Variants in SV2B observed in about 807,000 individuals in gnomAD.
SV2B encodes synaptic vesicle glycoprotein 2B.
SV2B carries 41 observed loss-of-function variants against 73.9 expected under a neutral mutation model. The ratio of observed to expected loss-of-function variants is 0.56; its 90% CI spans 0.43 to 0.72. The LOEUF (loss-of-function observed/expected upper bound fraction) is 0.72. SV2B is among the 30% of genes least tolerant of loss of function. The probability of loss-of-function intolerance (pLI) is 0.00; values close to 1 mark genes in which losing one functional copy is unlikely to be tolerated. For synonymous variants in SV2B, 314 were observed against 314.2 expected (o/e 1.00, Z 0.01); for missense variants, 764 against 857.8 (o/e 0.89, Z 1.37).
In SV2B at chr15:91,132,229, A is replaced by G. The variant is rs1329981613; in HGVS notation, c.-392+31866A>G. Among the ~76,000 whole-genome samples the G allele has an allele frequency of 6.6e-6, 1 of 152,214 alleles. No homozygotes were observed. Among genetic ancestry groups the G allele is most frequent in the Non-Finnish European group, 1.5e-5 (1 of 68,030 alleles). On this transcript the variant is annotated intron_variant, in intron 1 of 12. Coordinates refer to ENST00000394232, the MANE Select transcript of SV2B (RefSeq NM_001323032.3). The surrounding 1 kb of genome is among the most constrained non-coding windows in gnomAD (Gnocchi z 4.6). ...CGTCTCGGGTCCAAATACCCTCTAG[A>G]AGTTTCCCATTGGCTGCTTCATGCT...
At chr15:91,206,857 A>C (rs1217368195) in intron 1 of SV2B, among the ~76,000 whole-genome samples, 1 of 152,200 alleles carries the variant, frequency 6.6e-6, no homozygotes. Flanking sequence ...GAGAAGTTTG[A>C]AGGCTGATGT....
intron 1 of SV2B, among the ~76,000 whole-genome samples, chr15:91,196,835 C>T (rs375822067): frequency 6.6e-6 from 1 of 152,254 alleles, no homozygotes; most frequent in African/African-American, 2.4e-5. Context: ...GTAAAAGTGT[C>T]ACTGTGAGGT....
intron 1 of SV2B, among the ~76,000 whole-genome samples, chr15:91,126,477 C>CAGGT (rs2042485791): frequency 6.6e-6 from 1 of 152,170 alleles, no homozygotes; most frequent in Non-Finnish European, 1.5e-5. Context: ...GTTGATGAGC[C>CAGGT]AGGTCTTTGG....
chr15:91,286,673 A>T (rs919194339), intron 11 of SV2B, among the ~76,000 whole-genome samples: 2 of 152,176 alleles, frequency 1.3e-5, no homozygotes, highest in East Asian at 3.8e-4. Flanking sequence ...ATATTAACAC[A>T]TGGAACCCTC....
intron 1 of SV2B, among the ~76,000 whole-genome samples, chr15:91,174,997 G>C (rs1028930524): frequency 1.3e-5 from 2 of 152,206 alleles, no homozygotes; most frequent in Non-Finnish European, 2.9e-5. Flanking sequence ...ATGGGTGGAA[G>C]CCTTTCTATC....
At chr15:91,191,115 G>C (rs2045009581) in intron 1 of SV2B, among the ~76,000 whole-genome samples, 2 of 121,432 alleles carry the variant, frequency 1.6e-5, no homozygotes, top group Non-Finnish European at 3.4e-5. Flanking sequence ...GCCCAGGCTG[G>C]AGTGCAATGG....
At chr15:91,218,832 C>T (rs2046120047) in intron 1 of SV2B, among the ~76,000 whole-genome samples, 1 of 152,208 alleles carries the variant, frequency 6.6e-6, no homozygotes, top group African/African-American at 2.4e-5. Context: ...CAGATGTGCT[C>T]AGCTCTCTAT....
In SV2B at chr15:91,296,287, T is replaced by A. The variant is rs139238601; in HGVS notation, c.*3735T>A. 265 of 152,384 alleles carry A rather than the reference T, an allele frequency of 1.7e-3. 1 individual carries two copies. The highest frequency in any genetic ancestry group is 5.5e-3 in the African/African-American group (230 of 41,596). 9.4% of individuals were successfully genotyped at this position (152,384 alleles called of 1,614,324 possible). A position where few individuals can be genotyped will look rare whatever the true frequency, so the allele number is the denominator to read the frequency against. On this transcript the variant is annotated 3_prime_UTR_variant, in exon 13 of 13. Coordinates refer to ENST00000394232, the MANE Select transcript of SV2B (RefSeq NM_001323032.3). The stretch of plus-strand genomic sequence containing the variant: ...TTTTCTAGGGGGCATCTGTGCTAAC[T>A]GACCTGGGATTATGTTGGATGGCAT...
chr15:91,182,121 G>C (rs1258238099), intron 1 of SV2B, among the ~76,000 whole-genome samples: 1 of 152,080 alleles, frequency 6.6e-6, no homozygotes, highest in Admixed American at 6.6e-5. Context: ...AAACATACTA[G>C]CACTTCAAAA....
At position 91,140,795 on chromosome 15, in the gene SV2B, T is replaced by G. The variant is rs1029926997; in HGVS notation, c.-392+40432T>G. Among the ~76,000 whole-genome samples the G allele has an allele frequency of 6.6e-6, 1 of 152,196 alleles. No homozygotes were observed. The highest frequency in any genetic ancestry group is 1.5e-5 in the Non-Finnish European group (1 of 68,024). ...GAAGTTTCTGGCATGGCTCAGTGGC[T>G]GTTTATCACCTCTGTATTAAGGACA... On this transcript the variant is annotated intron_variant, in intron 1 of 12. Coordinates refer to ENST00000394232, the MANE Select transcript of SV2B (RefSeq NM_001323032.3). The surrounding 1 kb of genome is among the most constrained non-coding windows in gnomAD (Gnocchi z 4.4).
chr15:91,163,399 A>T (rs539952847), intron 1 of SV2B, among the ~76,000 whole-genome samples: 2 of 152,256 alleles, frequency 1.3e-5, no homozygotes, highest in East Asian at 3.9e-4. Flanking sequence ...AAGTGTTCCT[A>T]TTTCTCCACA....
At chr15:91,275,341 A>G (rs1318967005) in intron 9 of SV2B, among the ~76,000 whole-genome samples, 1 of 152,176 alleles carries the variant, frequency 6.6e-6, no homozygotes, top group African/African-American at 2.4e-5. Context: ...ATTAATCATA[A>G]TGTGCCTTCA....
In SV2B at chr15:91,260,337, A is replaced by G. The variant is rs16945475; in HGVS notation, c.936A>G (p.Glu312=). The G allele has an allele frequency of 0.043, 68,595 of 1,612,032 alleles. 3,766 individuals are homozygous for G. The highest frequency in any genetic ancestry group is 0.27 in the African/African-American group (20,211 of 74,808). Residue 312 remains glutamate, a synonymous_variant, in exon 6 of 13, where the codon GAA becomes GAG. Coordinates refer to ENST00000394232, the MANE Select transcript of SV2B (RefSeq NM_001323032.3). ...TTCACCAGATGGGCAAACATGATGA[A>G]GCCTGGATGATTCTCAAGCAAGTCC... is the stretch of plus-strand genomic sequence containing the variant. ...RFLLEMGKHD[E]AWMILKQVHD...
intron 1 of SV2B, among the ~76,000 whole-genome samples, chr15:91,125,390 A>C (rs962520344): frequency 6.6e-6 from 1 of 152,110 alleles, no homozygotes; most frequent in African/African-American, 2.4e-5. Context: ...TACTGAAAAG[A>C]CTTTATAAAT....
intron 9 of SV2B, among the ~76,000 whole-genome samples, chr15:91,271,471 T>A (rs150292980): frequency 2.0e-4 from 31 of 152,340 alleles, no homozygotes; most frequent in Middle Eastern, 3.4e-3. Context: ...TTCTACCATG[T>A]TTCTATGCTT....
At chr15:91,273,076 G>A (rs1406878963) in intron 9 of SV2B, among the ~76,000 whole-genome samples, 3 of 151,866 alleles carry the variant, frequency 2.0e-5, no homozygotes, top group Non-Finnish European at 2.9e-5. Flanking sequence ...CAAGTGATCC[G>A]CCCCCCTCGG....
chr15:91,115,342 C>T lies in SV2B; in HGVS notation c.-392+14979C>T, dbSNP rs981337713. The stretch of plus-strand genomic sequence containing the variant: ...TGCTACCTTTGTTGGTGAGTGTTGA[C>T]GACTTTGAAAGTGGGCTATTTCTCC... On this transcript the variant is annotated intron_variant, in intron 1 of 12. Coordinates refer to ENST00000394232, the MANE Select transcript of SV2B (RefSeq NM_001323032.3). This position sits in a 1 kb window ranked among gnomAD's most constrained non-coding sequence, Gnocchi z 4.3. Among the ~76,000 whole-genome samples, 8 of 152,148 alleles carry T rather than the reference C, an allele frequency of 5.3e-5. No homozygotes were observed. Among genetic ancestry groups the T allele is most frequent in the East Asian group, 1.9e-4 (1 of 5,174 alleles).
intron 1 of SV2B, among the ~76,000 whole-genome samples, chr15:91,108,870 C>T (rs560822800): frequency 5.3e-5 from 8 of 152,358 alleles, no homozygotes; most frequent in African/African-American, 1.9e-4. Flanking sequence ...GGGTTCCCTG[C>T]TTCAGCTCCC....
intron 1 of SV2B, among the ~76,000 whole-genome samples, chr15:91,217,366 T>C (rs754331977): frequency 2.0e-5 from 3 of 152,064 alleles, no homozygotes; most frequent in Non-Finnish European, 4.4e-5. Flanking sequence ...TATAATATGA[T>C]AATAGAAATA....
Sources: gnomAD v4.1 joint callset for allele counts (sites outside exome capture counted in the v4.1 genomes callset) on GRCh38, gnomAD v4.1.1 for gene constraint, Gnocchi (gnomAD v3.1) non-coding constraint, MANE v1.5 for transcripts, NCBI Gene and HGNC (gene_info 2026-07-23, HGNC 2026-07-21) for gene names.